Variants in OAS2 observed in about 807,000 individuals in gnomAD.
OAS2 encodes 2'-5'-oligoadenylate synthetase 2.
In OAS2, 67 loss-of-function variants were observed where a neutral mutation model predicts 71.3. The observed-to-expected ratio is 0.94, with a 90% confidence interval of 0.77 to 1.15. The LOEUF (loss-of-function observed/expected upper bound fraction) is 1.15, where lower values mean the gene tolerates loss of function less well. OAS2 is among the 50% of genes most tolerant of loss of function. OAS2 has a pLI of 0.00. For missense variants in OAS2, 789 were observed against 822.5 expected, an observed-to-expected ratio of 0.96 and a Z score of 0.50; for synonymous variants, 327 against 321.8, an observed-to-expected ratio of 1.02 and a Z score of -0.17.
chr12:112,991,106 C>T (rs2136382434), intron 2 of OAS2, among the ~76,000 whole-genome samples: 1 of 152,336 alleles, frequency 6.6e-6, no homozygotes, highest in East Asian at 1.9e-4. Context: ...GCCACTCTGG[C>T]CTTCCCTGAG....
At chr12:113,007,536 T>A (rs2136395479) in intron 8 of OAS2, among the ~76,000 whole-genome samples, 169 bp from the exon 9 acceptor site, 1 of 152,338 alleles carries the variant, frequency 6.6e-6, no homozygotes, top group South Asian at 2.1e-4. Flanking sequence ...AACTCAAATG[T>A]GCTGCTGCCA....
intron 5 of OAS2, 53 bp from the exon 6 acceptor site, chr12:113,002,879 T>C: frequency 6.4e-7 from 1 of 1,563,406 alleles, no homozygotes; most frequent in East Asian, 2.2e-5. Context: ...AAAAGAAGCC[T>C]TGGGTGGGCT....
intron 1 of OAS2, among the ~76,000 whole-genome samples, chr12:112,984,258 T>C (rs778212845): frequency 2.8e-4 from 42 of 152,254 alleles, no homozygotes; most frequent in Non-Finnish European, 5.3e-4. Flanking sequence ...TATGTCTATA[T>C]ACATATATAC....
intron 1 of OAS2, among the ~76,000 whole-genome samples, chr12:112,984,927 G>A (rs1454770727): frequency 3.4e-5 from 5 of 147,980 alleles, no homozygotes; most frequent in African/African-American, 5.0e-5. Context: ...GCTGGGTATC[G>A]TATTCTTGTC....
At chr12:112,995,998 C>T (rs533524789) in intron 3 of OAS2, among the ~76,000 whole-genome samples, 1 of 152,162 alleles carries the variant, frequency 6.6e-6, no homozygotes, top group East Asian at 1.9e-4. Context: ...GATGAGGTTT[C>T]ACCATGTTGC....
chr12:113,007,795 G>T lies in OAS2; in HGVS notation c.1747G>T (p.Val583Leu). The T allele has an allele frequency of 1.2e-6, 2 of 1,614,180 alleles. No individual in the cohort carries two copies. The highest frequency in any genetic ancestry group is 1.7e-6 in the Non-Finnish European group (2 of 1,180,014). The change falls in exon 9 of 10, where the codon GTG becomes TTG. Residue 583 changes from valine to leucine, a missense_variant. By Grantham distance (32) the Val-to-Leu change is conservative (BLOSUM62 1). Coordinates refer to ENST00000392583, the MANE Select transcript of OAS2 (RefSeq NM_002535.3). ...CTATGCCTGGGAGCAGGGGAGTGGA[G>T]TGCCGGATTTTGACACTGCAGAAGG... ...TIYAWEQGSGVPDFDTAEGFR... is the reference protein window; with the variant it reads ...TIYAWEQGSGLPDFDTAEGFR...
rs56078692 is a variant in OAS2 at position 113,009,311 on chromosome 12, T to A, written c.*56T>A. On this transcript the variant is annotated 3_prime_UTR_variant, in exon 10 of 10. Transcript: ENST00000392583. ...CAGGCTTGAATCAAAGAACTTCTCC[T>A]ACTGTAGCAACCTGAAATTAACTCA... 2.5e-6 allele frequency: 4 copies of A among 1,582,926 alleles called. No individual in the cohort carries two copies. The South Asian group carries it at 4.6e-5, about 18-fold the overall frequency.
Position 113,007,746 on chromosome 12 carries a change from G to T in OAS2, c.1698G>T (p.Lys566Asn). Reference protein sequence around the residue: ...KLKPKGSLPPKYALELLTIYA... With the variant: ...KLKPKGSLPPNYALELLTIYA... ...AGCCAAAGGGGTCTTTGCCCCCAAA[G>T]TATGCCTTGGAGCTGCTCACCATCT... is the stretch of plus-strand genomic sequence containing the variant. The change falls in exon 9 of 10, where the codon AAG becomes AAT. Residue 566 changes from lysine (K) to asparagine (N), a missense_variant. Lys to Asn is a moderately conservative substitution (Grantham distance 94, BLOSUM62 0). Coordinates refer to ENST00000392583, the MANE Select transcript of OAS2 (RefSeq NM_002535.3). The T allele has an allele frequency of 6.2e-7, 1 of 1,614,150 alleles. No homozygotes were observed. Among genetic ancestry groups the T allele is most frequent in the Non-Finnish European group, 8.5e-7 (1 of 1,179,996 alleles).
chr12:112,998,816 C>T (rs2044258827), intron 5 of OAS2, among the ~76,000 whole-genome samples: 1 of 152,204 alleles, frequency 6.6e-6, no homozygotes, highest in African/African-American at 2.4e-5. Flanking sequence ...GAACAACAGT[C>T]ATACTGAATT....
intron 1 of OAS2, among the ~76,000 whole-genome samples, chr12:112,980,819 A>G (rs2044074595): frequency 6.6e-6 from 1 of 152,120 alleles, no homozygotes; most frequent in African/African-American, 2.4e-5. Flanking sequence ...TGACTGTGCT[A>G]ATTTACATTC....
chr12:112,988,648 A>T, intron 2 of OAS2: 1 of 985,470 alleles, frequency 1.0e-6, no homozygotes, highest in Non-Finnish European at 1.2e-6. Context: ...CCCTACCTTT[A>T]GTGAGCACAT....
At chr12:112,990,182 A>G (rs577972012) in intron 2 of OAS2, among the ~76,000 whole-genome samples, 1 of 152,336 alleles carries the variant, frequency 6.6e-6, no homozygotes, top group African/African-American at 2.4e-5. Flanking sequence ...TTTCTGAGCC[A>G]AATATGAGGA....
chr12:112,991,359 T>C (rs529772532), intron 2 of OAS2, among the ~76,000 whole-genome samples: 1 of 152,310 alleles, frequency 6.6e-6, no homozygotes, highest in African/African-American at 2.4e-5. Flanking sequence ...CTCAGTTAGT[T>C]TAGAAAGTTT....
At position 113,011,449 on chromosome 12, in the gene OAS2, G is replaced by A. The variant is rs2044379764; in HGVS notation, c.*2194G>A. The A allele has an allele frequency of 6.6e-6, 1 of 152,190 alleles. No individual in the cohort carries two copies. Among genetic ancestry groups the A allele is most frequent in the Admixed American group, 6.5e-5 (1 of 15,282 alleles). 9.4% of individuals were successfully genotyped at this position (152,190 alleles called of 1,614,324 possible). A position where few individuals can be genotyped will look rare whatever the true frequency, so the allele number is the denominator to read the frequency against. ...TCCCACCCCCAATCTCCAAGGAGGT[G>A]ATGGGGCTGGAAATTGAGTTCAATT... On this transcript the variant is annotated 3_prime_UTR_variant, in exon 10 of 10. Coordinates refer to ENST00000392583, the MANE Select transcript of OAS2 (RefSeq NM_002535.3).
intron 2 of OAS2, among the ~76,000 whole-genome samples, chr12:112,989,709 G>A (rs144351236): frequency 6.6e-6 from 1 of 152,272 alleles, no homozygotes; most frequent in Non-Finnish European, 1.5e-5. Context: ...AAGAGAGGGA[G>A]GTATCATGAG....
intron 2 of OAS2, among the ~76,000 whole-genome samples, chr12:112,993,605 G>A (rs2044209961): frequency 2.0e-5 from 3 of 151,662 alleles, no homozygotes; most frequent in Admixed American, 2.0e-4. Context: ...TATGGGCCAG[G>A]GAGCTGGCTC....
rs200545644 is a variant in OAS2 at position 112,978,745 on chromosome 12, A to G, written c.137A>G (p.Gln46Arg). 5.1e-5 allele frequency: 82 copies of G among 1,614,014 alleles called. No homozygotes were observed. The highest frequency in any genetic ancestry group is 1.3e-4 in the Admixed American group (8 of 59,998). ...EMVNTICDVL[Q>R]EPEQFPLVQG... The stretch of plus-strand genomic sequence containing the variant: ...GTGAACACCATCTGTGACGTCCTGC[A>G]GGAACCCGAACAGTTCCCCCTGGTG... Residue 46 changes from glutamine (Q) to arginine (R), a missense_variant, in exon 1 of 10, where the codon CAG (glutamine) becomes CGG (arginine). Gln to Arg is a conservative substitution (Grantham distance 43). Transcript: ENST00000392583. This position sits in a 1 kb window ranked among gnomAD's most constrained non-coding sequence, Gnocchi z 4.2.
Position 112,978,929 on chromosome 12 carries a change from C to T in OAS2, c.177+144C>T. 1.4e-6 allele frequency: 1 copy of T among 732,776 alleles called. No individual in the cohort carries two copies. The highest frequency in any genetic ancestry group is 1.8e-5 in the African/African-American group (1 of 55,780). The allele number at this position is 732,776 out of a possible 1,614,324, so 45.4% of individuals were successfully genotyped here. A position where few individuals can be genotyped will look rare whatever the true frequency, so the allele number is the denominator to read the frequency against. On this transcript the variant is annotated intron_variant, in intron 1 of 9. Transcript: ENST00000392583. This position sits in a 1 kb window ranked among gnomAD's most constrained non-coding sequence, Gnocchi z 4.2. ...GGTGTAGGAGTCTCAGGCTCTGGAGCAGGCGCTTGCTCCAGAGCTGTGTGA... is the reference window on the plus strand; with the variant it reads ...GGTGTAGGAGTCTCAGGCTCTGGAGTAGGCGCTTGCTCCAGAGCTGTGTGA...
chr12:113,010,506 T>G lies in OAS2; in HGVS notation c.*1251T>G. The G allele has an allele frequency of 1.1e-5, 17 of 1,610,362 alleles. No individual in the cohort carries two copies. The highest frequency in any genetic ancestry group is 1.4e-5 in the Non-Finnish European group (17 of 1,179,152). On this transcript the variant is annotated 3_prime_UTR_variant, in exon 10 of 10. Transcript: ENST00000392583. ...CTAGAGATCATCTGGCAATCGCTTTTAAAGACTCGGCTCACCGTGAGAAAG... is the reference window on the plus strand; with the variant it reads ...CTAGAGATCATCTGGCAATCGCTTTGAAAGACTCGGCTCACCGTGAGAAAG...
Sources: allele counts gnomAD v4.1 joint callset (sites outside exome capture counted in the v4.1 genomes callset), GRCh38; gene constraint gnomAD v4.1.1; non-coding constraint Gnocchi (gnomAD v3.1); transcripts MANE v1.5; gene names NCBI Gene and HGNC (gene_info 2026-07-23, HGNC 2026-07-21).